Variants in CEP290 observed in about 807,000 individuals in gnomAD.
The protein encoded by CEP290 is centrosomal protein 290, also known as centrosomal protein of 290 kDa.
In CEP290, 317 loss-of-function variants were observed where a neutral mutation model predicts 344.9. The observed-to-expected ratio is 0.92, with a 90% CI of 0.84 to 1.01. CEP290 has a LOEUF of 1.01. Among genes scored for constraint, CEP290 ranks in the 50% least tolerant of loss-of-function variants. The probability of loss-of-function intolerance (pLI) is 0.00; values close to 1 mark genes in which losing one functional copy is unlikely to be tolerated. For synonymous variants in CEP290, 932 were observed against 895.8 expected (o/e 1.04, Z -0.72); for missense variants, 2,754 against 2,761.4 (o/e 1.00, Z 0.06).
chr12:88,073,167 T>G (rs922952344), intron 41 of CEP290, among the ~76,000 whole-genome samples: 1 of 152,208 alleles, frequency 6.6e-6, no homozygotes, highest in African/African-American at 2.4e-5. Flanking sequence ...AAGTAATTTT[T>G]TAATGGTTTT....
At chr12:88,082,956 T>C in intron 37 of CEP290, 75 bp downstream of exon 37, 1 of 858,100 alleles carries the variant, frequency 1.2e-6, no homozygotes, top group South Asian at 1.8e-5. Context: ...GTGCCTGGCA[T>C]AGCAAACACT....
chr12:88,116,977 A>C (rs74854778), intron 18 of CEP290, 56 bp downstream of exon 18: 5 of 836,912 alleles, frequency 6.0e-6, no homozygotes, highest in Admixed American at 3.2e-5. Flanking sequence ...CCGTCTCAAA[A>C]AAAAAAAAAA....
At chr12:88,130,609 T>TAATACATAA (rs1446223893) in intron 7 of CEP290, 44 bp from the exon 8 acceptor site, 1 of 1,475,022 alleles carries the variant, frequency 6.8e-7, no homozygotes, top group African/African-American at 1.4e-5. Flanking sequence ...ATGAGAAAGG[T>TAATACATAA]AATACATAAT....
At chr12:88,065,121 C>G (rs1211301923) in intron 44 of CEP290, among the ~76,000 whole-genome samples, 1 of 151,904 alleles carries the variant, frequency 6.6e-6, no homozygotes, top group Admixed American at 6.6e-5. Context: ...ATACCACCTA[C>G]CTCATAGGAC....
At chr12:88,129,908 G>T (rs1284879819) in intron 9 of CEP290, 32 bp from the exon 10 acceptor site, 2 of 1,295,656 alleles carry the variant, frequency 1.5e-6, no homozygotes, top group Non-Finnish European at 2.1e-6. Flanking sequence ...TAATTAAAAA[G>T]TAATTTTAAA....
chr12:88,061,003 G>T lies in CEP290; in HGVS notation c.6358-9C>A, dbSNP rs1313330591. On this transcript the variant is annotated splice_polypyrimidine_tract_variant and intron_variant, in intron 46 of 53. Transcript: ENST00000552810. ...TTTCCACTTCTACCAGACTACGAAA[G>T]AATATGTTAAATCTTTAATCAAATA... 6.5e-7 allele frequency: 1 copy of T among 1,530,010 alleles called. No homozygotes were observed. The highest frequency in any genetic ancestry group is 8.8e-7 in the Non-Finnish European group (1 of 1,138,528). 94.8% of individuals were successfully genotyped at this position (1,530,010 alleles called of 1,614,324 possible).
chr12:88,097,610 TACACAC>T lies in CEP290; in HGVS notation c.2992-617_2992-612del, dbSNP rs34989046. Among the ~76,000 whole-genome samples, 856 of 144,314 alleles carry T rather than the reference TACACAC, an allele frequency of 5.9e-3. 15 individuals are homozygous for T. Among genetic ancestry groups the T allele is most frequent in the African/African-American group, 0.02 (786 of 39,508 alleles). 94.7% of individuals were successfully genotyped at this position (144,314 alleles called of 152,430 possible). A position where few individuals can be genotyped will look rare whatever the true frequency, so the allele number is the denominator to read the frequency against. ...ATATATATATACACACACACACACA[TACACAC>T]ACACACACACACACACACACACATA... On this transcript the variant is annotated intron_variant, in intron 26 of 53. Coordinates refer to ENST00000552810, the MANE Select transcript of CEP290 (RefSeq NM_025114.4).
intron 41 of CEP290, among the ~76,000 whole-genome samples, chr12:88,074,408 T>C (rs1459872731): frequency 6.6e-6 from 1 of 152,160 alleles, no homozygotes; most frequent in African/African-American, 2.4e-5. Flanking sequence ...TTATCCCACC[T>C]GGCATTACTT....
intron 26 of CEP290, among the ~76,000 whole-genome samples, chr12:88,098,336 G>A (rs963858098): frequency 5.1e-5 from 7 of 136,250 alleles, no homozygotes; most frequent in Admixed American, 1.5e-4. Context: ...TCGACCAGGT[G>A]CAGTGGCTCA....
intron 33 of CEP290, 80 bp downstream of exon 33, chr12:88,086,311 C>T: frequency 7.0e-7 from 1 of 1,425,252 alleles, no homozygotes; most frequent in Non-Finnish European, 9.4e-7. Context: ...ATTAAAATTA[C>T]ATCTGATACA....
chr12:88,091,163 T>C (rs2037008789), intron 29 of CEP290, among the ~76,000 whole-genome samples: 1 of 152,160 alleles, frequency 6.6e-6, no homozygotes, highest in Non-Finnish European at 1.5e-5. Flanking sequence ...ATTTTCCAAA[T>C]GTATATAGCC....
At chr12:88,057,825 C>G (rs2034135600) in intron 49 of CEP290, 1 of 152,194 alleles carries the variant, frequency 6.6e-6, no homozygotes, top group Non-Finnish European at 1.5e-5. Flanking sequence ...TACTAAGACT[C>G]CCATCCTAGT....
In CEP290 at chr12:88,087,796, A is replaced by G; in HGVS notation, c.4178T>C (p.Ile1393Thr). The G allele has an allele frequency of 7.9e-7, 1 of 1,270,564 alleles. No individual in the cohort carries two copies. Among genetic ancestry groups the G allele is most frequent in the Admixed American group, 3.8e-5 (1 of 26,060 alleles). The allele number at this position is 1,270,564 out of a possible 1,614,324, so 78.7% of individuals were successfully genotyped here. ...ERTISSLEEE[I>T]VQQNKFHEER... The stretch of plus-strand genomic sequence containing the variant: ...AAATAAAACCTTGTTCTGTTGCACA[A>G]TTTCTTCTTCAAGACTGCTGATTGT... Residue 1393 changes from isoleucine to threonine, a missense_variant, in exon 32 of 54, where the codon ATT (isoleucine) becomes ACT (threonine). Transcript: ENST00000552810.
chr12:88,083,263 G>A (rs1461746525), intron 36 of CEP290, 33 bp from the exon 37 acceptor site: 2 of 1,207,430 alleles, frequency 1.7e-6, no homozygotes, highest in Non-Finnish European at 2.2e-6. Flanking sequence ...CAATAGGCAT[G>A]TATAATTCAA....
At chr12:88,129,119 TATATAA>T (rs1486421076) in intron 10 of CEP290, 84 bp from the exon 11 acceptor site, 37 of 612,826 alleles carry the variant, frequency 6.0e-5, no homozygotes, top group Middle Eastern at 4.0e-4. Flanking sequence ...ATACATTATA[TATATAA>T]ATATATCTAC....
At chr12:88,098,339 G>T (rs2037606280) in intron 26 of CEP290, among the ~76,000 whole-genome samples, 1 of 151,082 alleles carries the variant, frequency 6.6e-6, no homozygotes, top group Non-Finnish European at 1.5e-5. Flanking sequence ...ACCAGGTGCA[G>T]TGGCTCACAC....
Position 88,069,976 on chromosome 12 carries a change from T to C in CEP290, c.6011+1318A>G, listed in dbSNP as rs75670491. Among the ~76,000 whole-genome samples, 345 of 152,196 alleles carry C rather than the reference T, an allele frequency of 2.3e-3. 4 individuals are homozygous for C. In the East Asian group the frequency reaches 0.044, roughly 19 times the overall value. Reference sequence around the variant, plus strand: ...GAAATGAGCGAAACAGAAGATTAAATAGTTTTAGCTGTTGTCAGAATAAAA... The same window carrying C: ...GAAATGAGCGAAACAGAAGATTAAACAGTTTTAGCTGTTGTCAGAATAAAA... On this transcript the variant is annotated intron_variant, in intron 43 of 53. Coordinates refer to ENST00000552810, the MANE Select transcript of CEP290 (RefSeq NM_025114.4).
chr12:88,059,553 G>A (rs570610467), intron 48 of CEP290, among the ~76,000 whole-genome samples: 142 of 152,082 alleles, frequency 9.3e-4, no homozygotes, highest in African/African-American at 3.4e-3. Flanking sequence ...GACTACAGGC[G>A]CCCGCCACCA....
intron 37 of CEP290, among the ~76,000 whole-genome samples, 199 bp from the exon 38 acceptor site, chr12:88,080,594 T>C (rs1592819891): frequency 6.6e-6 from 1 of 152,244 alleles, no homozygotes; most frequent in East Asian, 1.9e-4. Flanking sequence ...CAGGCCCAGC[T>C]AATTTTTGTA....
Sources: allele counts gnomAD v4.1 joint callset (sites outside exome capture counted in the v4.1 genomes callset), GRCh38; gene constraint gnomAD v4.1.1; transcripts MANE v1.5; gene names NCBI Gene and HGNC (gene_info 2026-07-23, HGNC 2026-07-21).